GAPDHS: variants seen among roughly 807,000 people sequenced by gnomAD.
GAPDHS encodes glyceraldehyde-3-phosphate dehydrogenase, spermatogenic.
GAPDHS carries 42 observed loss-of-function variants against 48.7 expected under a neutral mutation model. That is an observed-to-expected ratio of 0.86 (90% CI 0.67 to 1.12). The LOEUF is 1.12. Ranked by LOEUF, GAPDHS falls within the 50% of genes most tolerant of loss-of-function variation. The probability of loss-of-function intolerance (pLI) is 0.00; values close to 1 mark genes in which losing one functional copy is unlikely to be tolerated. For synonymous variants in GAPDHS, 166 were observed against 219.1 expected (o/e 0.76, Z 2.14); for missense variants, 512 against 557.7 (o/e 0.92, Z 0.82).
At chr19:35,534,068 G>C (rs1464995371) in intron 1 of GAPDHS, among the ~76,000 whole-genome samples, 1 of 152,236 alleles carries the variant, frequency 6.6e-6, no homozygotes, top group East Asian at 1.9e-4. Context: ...CGAGAGCTCA[G>C]GGAAGCCTCA....
Position 35,543,509 on chromosome 19 carries a change from T to G in GAPDHS, c.893+18T>G. On this transcript the variant is annotated intron_variant, in intron 8 of 10. Coordinates refer to ENST00000222286, the MANE Select transcript of GAPDHS (RefSeq NM_014364.5). Reference sequence around the variant, plus strand: ...CTCAAAGGGTATGAGGACAAGAAGCTGCAACCAGGGTGGGGGCATACGCCA... The same window carrying G: ...CTCAAAGGGTATGAGGACAAGAAGCGGCAACCAGGGTGGGGGCATACGCCA... 2 of 1,592,886 alleles carry G rather than the reference T, an allele frequency of 1.3e-6. No homozygotes were observed. The highest frequency in any genetic ancestry group is 1.7e-6 in the Non-Finnish European group (2 of 1,171,092).
chr19:35,545,020 A>T lies in GAPDHS; in HGVS notation c.1154+14A>T, dbSNP rs1364674106. 3 of 1,609,600 alleles carry T rather than the reference A, an allele frequency of 1.9e-6. No individual in the cohort carries two copies. In the African/African-American group the frequency reaches 4.0e-5, roughly 22 times the overall value. ...GCTCATTTCATGGTAAGGGGGAAGG[A>T]GCTGGAGACTTAGAGGGAGGGGAAC... On this transcript the variant is annotated intron_variant, in intron 10 of 10. Coordinates refer to ENST00000222286, the MANE Select transcript of GAPDHS (RefSeq NM_014364.5).
In GAPDHS at chr19:35,543,191, T is replaced by A. The variant is rs1568684323; in HGVS notation, c.742-149T>A. 3 of 1,080,576 alleles carry A rather than the reference T, an allele frequency of 2.8e-6. No individual in the cohort carries two copies. The Admixed American group carries it at 5.8e-5, about 21-fold the overall frequency. The allele number at this position is 1,080,576 out of a possible 1,614,324, so 66.9% of individuals were successfully genotyped here. Reference sequence around the variant, plus strand: ...ACACTGTGCAACCCTCAGGCAAGGCTGGACCCTGGCCTGCACACATCCCCT... The same window carrying A: ...ACACTGTGCAACCCTCAGGCAAGGCAGGACCCTGGCCTGCACACATCCCCT... On this transcript the variant is annotated intron_variant, in intron 7 of 10. Coordinates refer to ENST00000222286, the MANE Select transcript of GAPDHS (RefSeq NM_014364.5).
At chr19:35,534,632 C>T (rs2146291793) in intron 1 of GAPDHS, among the ~76,000 whole-genome samples, 1 of 152,202 alleles carries the variant, frequency 6.6e-6, no homozygotes, top group Non-Finnish European at 1.5e-5. Flanking sequence ...TCGGAAGGGT[C>T]ACCCATTGGG....
intron 2 of GAPDHS, 47 bp downstream of exon 2, chr19:35,537,037 C>A (rs377741563): frequency 7.4e-4 from 1,080 of 1,461,638 alleles, no homozygotes; most frequent in Non-Finnish European, 9.6e-4. Flanking sequence ...TAGAGCCCAG[C>A]CCCTCCTCTG....
intron 2 of GAPDHS, 104 bp from the exon 3 acceptor site, chr19:35,538,203 T>G: frequency 1.3e-6 from 1 of 744,020 alleles, no homozygotes; most frequent in Non-Finnish European, 2.3e-6. Context: ...ACAGAGGTTG[T>G]TGCCTTCTTC....
chr19:35,545,247 G>C lies in GAPDHS; in HGVS notation c.*77G>C. The stretch of plus-strand genomic sequence containing the variant: ...CTCCCGTTCCAGCATCTGGCTGCCC[G>C]GGGGAGGAAGGACACCCGGGGCGGG... On this transcript the variant is annotated 3_prime_UTR_variant, in exon 11 of 11. Coordinates refer to ENST00000222286, the MANE Select transcript of GAPDHS (RefSeq NM_014364.5). 1 of 1,228,046 alleles carries C rather than the reference G, an allele frequency of 8.1e-7. No homozygotes were observed. The highest frequency in any genetic ancestry group is 1.2e-6 in the Non-Finnish European group (1 of 831,086). 76.1% of individuals were successfully genotyped at this position (1,228,046 alleles called of 1,614,324 possible).
chr19:35,542,785 A>G, intron 6 of GAPDHS, 160 bp from the exon 7 acceptor site: 2 of 722,542 alleles, frequency 2.8e-6, no homozygotes, highest in Non-Finnish European at 4.9e-6. Context: ...GCTGCACCTC[A>G]GTGCCTCCTT....
At chr19:35,535,702 A>G (rs1298053950) in intron 1 of GAPDHS, among the ~76,000 whole-genome samples, 3 of 151,578 alleles carry the variant, frequency 2.0e-5, no homozygotes, top group African/African-American at 7.3e-5. Flanking sequence ...TGCTGATTAA[A>G]AACAGGATTT....
In GAPDHS at chr19:35,535,036, C is replaced by T. The variant is rs1007967959; in HGVS notation, c.67+1442C>T. On this transcript the variant is annotated intron_variant, in intron 1 of 10. Transcript: ENST00000222286. ...ATGTGTGGGCCTCGAGATCTCACTG[C>T]GCCCTCACAGCAGCCCCTAGGTGGG... 7.9e-5 allele frequency among the ~76,000 whole-genome samples: 12 copies of T among 152,220 alleles called. No individual in the cohort carries two copies. The East Asian group carries it at 9.6e-4, about 12-fold the overall frequency.
intron 4 of GAPDHS, among the ~76,000 whole-genome samples, chr19:35,539,900 G>A (rs978701218): frequency 6.6e-6 from 1 of 152,120 alleles, no homozygotes; most frequent in African/African-American, 2.4e-5. Context: ...CCACCTAGCT[G>A]CCCCCTCCGT....
rs563787297 is a variant in GAPDHS at position 35,538,553 on chromosome 19, T to A, written c.343-24T>A. 3 of 1,464,074 alleles carry A rather than the reference T, an allele frequency of 2.0e-6. No individual in the cohort carries two copies. In the South Asian group the frequency reaches 3.4e-5, roughly 17 times the overall value. 90.7% of individuals were successfully genotyped at this position (1,464,074 alleles called of 1,614,324 possible). On this transcript the variant is annotated intron_variant, in intron 3 of 10. Transcript: ENST00000222286. ...GATCCTCACCCTGCCACCCCAAGAC[T>A]AGGAGCCATTCCATCCCCCACAGGT...
rs763165514 is a variant in GAPDHS at position 35,536,909 on chromosome 19, C to G, written c.164C>G (p.Pro55Arg). Residue 55 changes from proline to arginine, a missense_variant, in exon 2 of 11, where the codon CCG (proline) becomes CGG (arginine). Transcript: ENST00000222286. Reference sequence around the variant, plus strand: ...GTCAGGGAGGAAATAAAGCCACCACCGCCACCACTGCCTCCTCACCCCGCT... The same window carrying G: ...GTCAGGGAGGAAATAAAGCCACCACGGCCACCACTGCCTCCTCACCCCGCT... ...TPVREEIKPP[P>R]PPLPPHPATP... 1 of 1,614,036 alleles carries G rather than the reference C, an allele frequency of 6.2e-7. No individual in the cohort carries two copies. The highest frequency in any genetic ancestry group is 2.2e-5 in the East Asian group (1 of 44,854).
At position 35,533,461 on chromosome 19, in the gene GAPDHS, T is replaced by C. The variant is rs2071444506; in HGVS notation, c.-67T>C. On this transcript the variant is annotated 5_prime_UTR_variant, in exon 1 of 11. Coordinates refer to ENST00000222286, the MANE Select transcript of GAPDHS (RefSeq NM_014364.5). ...GCAATTAGCCCAGGACCCACAGCCC[T>C]GGCGCTCCGCACGCACCTCGGTAAC... 1 of 1,416,978 alleles carries C rather than the reference T, an allele frequency of 7.1e-7. No individual in the cohort carries two copies. Among genetic ancestry groups the C allele is most frequent in the East Asian group, 2.3e-5 (1 of 43,922 alleles). 87.8% of individuals were successfully genotyped at this position (1,416,978 alleles called of 1,614,324 possible).
chr19:35,535,719 C>T (rs2071461516), intron 1 of GAPDHS, among the ~76,000 whole-genome samples: 1 of 151,300 alleles, frequency 6.6e-6, no homozygotes, highest in Non-Finnish European at 1.5e-5. Flanking sequence ...ATTTCTGGGC[C>T]TCCATACAGA....
intron 9 of GAPDHS, chr19:35,544,082 A>C: frequency 1.5e-5 from 7 of 463,090 alleles, no homozygotes; most frequent in Middle Eastern, 6.2e-4. Flanking sequence ...CCCCCTCAAA[A>C]TATGTTCTTT....
chr19:35,542,593 C>T lies in GAPDHS; in HGVS notation c.644C>T (p.Ser215Phe). Residue 215 changes from serine (S) to phenylalanine (F), a missense_variant, in exon 6 of 11, where the codon TCC becomes TTC. Coordinates refer to ENST00000222286, the MANE Select transcript of GAPDHS (RefSeq NM_014364.5). ...AATGAAAATGACTATAACCCTGGCT[C>T]CATGAACATTGTGAGGTAATGTGGG... ...GVNENDYNPGSMNIVSNASCT... is the reference protein window; with the variant it reads ...GVNENDYNPGFMNIVSNASCT... The T allele has an allele frequency of 6.2e-7, 1 of 1,609,334 alleles. No individual in the cohort carries two copies.
At position 35,545,089 on chromosome 19, in the gene GAPDHS, C is replaced by A; in HGVS notation, c.1155-9C>A. On this transcript the variant is annotated splice_polypyrimidine_tract_variant and intron_variant, in intron 10 of 10. Coordinates refer to ENST00000222286, the MANE Select transcript of GAPDHS (RefSeq NM_014364.5). ...AACCCCCTTGAACCTCCCGACCCCT[C>A]CTCCACAGGTACGACAACGAATATG... The A allele has an allele frequency of 6.2e-7, 1 of 1,613,756 alleles. No individual in the cohort carries two copies. The highest frequency in any genetic ancestry group is 1.3e-5 in the African/African-American group (1 of 75,040).
In GAPDHS at chr19:35,543,792, C is replaced by A. The variant is rs2077586200; in HGVS notation, c.1021C>A (p.Pro341Thr). The change falls in exon 9 of 11, where the codon CCC (proline) becomes ACC (threonine). Residue 341 changes from proline to threonine, a missense_variant. Coordinates refer to ENST00000222286, the MANE Select transcript of GAPDHS (RefSeq NM_014364.5). ...KEAVKAAAKG[P>T]MAGILAYTED... ...GGCTGTAAAAGCAGCAGCCAAGGGG[C>A]CCATGGCTGGCATCCTTGCCTACAC... 4 of 1,613,364 alleles carry A rather than the reference C, an allele frequency of 2.5e-6. No homozygotes were observed. The highest frequency in any genetic ancestry group is 3.4e-6 in the Non-Finnish European group (4 of 1,179,794).
Sources: gnomAD v4.1 joint callset for allele counts (sites outside exome capture counted in the v4.1 genomes callset) on GRCh38, gnomAD v4.1.1 for gene constraint, MANE v1.5 for transcripts, NCBI Gene and HGNC (gene_info 2026-07-23, HGNC 2026-07-21) for gene names.